Variants in COL4A1 observed in about 807,000 individuals in gnomAD.
The protein encoded by COL4A1 is collagen alpha-1(IV) chain.
A neutral mutation model predicts 216.6 loss-of-function variants in COL4A1; 40 were observed. The observed-to-expected ratio is 0.18, with a 90% confidence interval of 0.14 to 0.24. The LOEUF is 0.24. Ranked by LOEUF, COL4A1 falls within the 10% of genes least tolerant of loss-of-function variation. The pLI, the probability that COL4A1 is intolerant of heterozygous loss-of-function variation, is 1.00. For missense variants in COL4A1, 1,628 were observed against 2,196.8 expected (o/e 0.74, Z 5.18); for synonymous variants, 839 against 810.7 (o/e 1.03, Z -0.59).
intron 1 of COL4A1, among the ~76,000 whole-genome samples, chr13:110,245,508 C>T (rs374456926): frequency 3.3e-5 from 5 of 152,134 alleles, no homozygotes; most frequent in African/African-American, 7.2e-5. Context: ...TGTGGATTTT[C>T]GACTTGTGAG....
rs1566386263 is a variant in COL4A1 at position 110,219,930 on chromosome 13, G to GTGTGTGTATATATGTATA, written c.145-5916_145-5915insTATACATATATACACACA. On this transcript the variant is annotated intron_variant, in intron 2 of 51. Transcript: ENST00000375820. ...TATATATGTGTGTATATATATGTAT[G>GTGTGTGTATATATGTATA]TATATGTGTGTGTATATATACACAT... Among the ~76,000 whole-genome samples, 5 of 113,522 alleles carry GTGTGTGTATATATGTATA rather than the reference G, an allele frequency of 4.4e-5. No homozygotes were observed. In the South Asian group the frequency reaches 1.1e-3, roughly 25 times the overall value. 74.5% of individuals were successfully genotyped at this position (113,522 alleles called of 152,430 possible). A position where few individuals can be genotyped will look rare whatever the true frequency, so the allele number is the denominator to read the frequency against.
At chr13:110,306,805 C>G (rs867127372) in intron 1 of COL4A1, 139 bp downstream of exon 1, 9 of 721,534 alleles carry the variant, frequency 1.2e-5, no homozygotes, top group Middle Eastern at 4.2e-4. Context: ...CAACGAACCC[C>G]GGCCCAGAGA....
chr13:110,210,760 T>C (rs1022999632), intron 8 of COL4A1, among the ~76,000 whole-genome samples: 6 of 152,108 alleles, frequency 3.9e-5, no homozygotes, highest in Non-Finnish European at 7.4e-5. Flanking sequence ...TGGCCCTCCA[T>C]AATGCTGGTG....
intron 34 of COL4A1, 57 bp from the exon 35 acceptor site, chr13:110,176,781 G>T: frequency 6.2e-7 from 1 of 1,613,530 alleles, no homozygotes. Flanking sequence ...GCAAGTTGCT[G>T]CAGAAACGCA....
At chr13:110,206,774 G>C (rs370289201) in intron 14 of COL4A1, 59 bp from the exon 15 acceptor site, 122 of 1,606,872 alleles carry the variant, frequency 7.6e-5, no homozygotes, top group Non-Finnish European at 9.5e-5. Flanking sequence ...ATTTAAATTA[G>C]ATAGATATTA....
chr13:110,242,982 A>G (rs1881631947), intron 1 of COL4A1, among the ~76,000 whole-genome samples: 1 of 152,242 alleles, frequency 6.6e-6, no homozygotes, highest in African/African-American at 2.4e-5. Context: ...CTCAGCCCAA[A>G]AAGTGAACAA....
At chr13:110,181,436 AT>A in intron 28 of COL4A1, 47 bp from the exon 29 acceptor site, 1 of 1,505,660 alleles carries the variant, frequency 6.6e-7, no homozygotes, top group Non-Finnish European at 9.1e-7. Context: ...AATCATTGCG[AT>A]TACAATGCCG....
intron 4 of COL4A1, among the ~76,000 whole-genome samples, chr13:110,213,443 C>G (rs1038726339): frequency 3.9e-5 from 6 of 152,172 alleles, no homozygotes; most frequent in Admixed American, 2.0e-4. Context: ...GAAGTCATCT[C>G]TGTCTAATGA....
intron 1 of COL4A1, among the ~76,000 whole-genome samples, chr13:110,292,261 C>T (rs1006510815): frequency 3.9e-5 from 6 of 152,216 alleles, no homozygotes; most frequent in Non-Finnish European, 8.8e-5. Flanking sequence ...CTGTGGCATA[C>T]ATCTCTGAGA....
intron 1 of COL4A1, among the ~76,000 whole-genome samples, chr13:110,266,506 T>TA (rs1883042764): frequency 6.6e-6 from 1 of 152,182 alleles, no homozygotes; most frequent in African/African-American, 2.4e-5. Context: ...AAAACTCATC[T>TA]AGCAAAAGAA....
chr13:110,171,235 T>C (rs1204032707), intron 41 of COL4A1, among the ~76,000 whole-genome samples: 1 of 152,232 alleles, frequency 6.6e-6, no homozygotes, highest in Admixed American at 6.5e-5. Flanking sequence ...TGTATGGTTT[T>C]ATTTTTGTAA....
rs683309 is a variant in COL4A1 at position 110,198,423 on chromosome 13, T to C, written c.1285+44A>G. The C allele has an allele frequency of 0.87, 1,402,679 of 1,610,784 alleles. 611,269 individuals are homozygous for C. Among genetic ancestry groups the C allele is most frequent in the East Asian group, 0.98 (44,108 of 44,844 alleles). On this transcript the variant is annotated intron_variant, in intron 21 of 51. Coordinates refer to ENST00000375820, the MANE Select transcript of COL4A1 (RefSeq NM_001845.6). The stretch of plus-strand genomic sequence containing the variant: ...AACCTGGGTCTGCCCGGCACCCTGG[T>C]GTCTGCTTGCACCCCACATTAAACC...
chr13:110,259,983 A>G (rs1230024310), intron 1 of COL4A1, among the ~76,000 whole-genome samples: 1 of 152,188 alleles, frequency 6.6e-6, no homozygotes, highest in Non-Finnish European at 1.5e-5. Context: ...AGGCTGCTGT[A>G]CATGGATCAT....
At chr13:110,270,620 G>A (rs188598901) in intron 1 of COL4A1, among the ~76,000 whole-genome samples, 2 of 151,982 alleles carry the variant, frequency 1.3e-5, no homozygotes, top group Admixed American at 6.5e-5. Context: ...AGATGGGAAC[G>A]AGGTCTCTGA....
intron 2 of COL4A1, among the ~76,000 whole-genome samples, chr13:110,221,533 A>C (rs760640433): frequency 2.7e-4 from 41 of 152,294 alleles, no homozygotes; most frequent in Non-Finnish European, 5.3e-4. Context: ...CTGATAAATT[A>C]CTGGCAGCCA....
intron 1 of COL4A1, among the ~76,000 whole-genome samples, chr13:110,275,954 TAAA>T (rs1883411702): frequency 2.6e-5 from 4 of 152,228 alleles, no homozygotes; most frequent in Admixed American, 2.0e-4. Context: ...TTGTGGGCAG[TAAA>T]ACAACTCTAT....
chr13:110,212,692 T>A (rs1879872865), intron 4 of COL4A1, 74 bp from the exon 5 acceptor site: 2 of 1,545,316 alleles, frequency 1.3e-6, no homozygotes, highest in Non-Finnish European at 1.8e-6. Flanking sequence ...ATCTCCCCGG[T>A]TAATGGAGTC....
In COL4A1 at chr13:110,181,523, C is replaced by G. The variant is rs751163667; in HGVS notation, c.2096-134G>C. ...GAGAAGGTCAACTGTGGAGGCCTTC[C>G]GAGGTGGCTGGAAGAGGCCAGGGGA... On this transcript the variant is annotated intron_variant, in intron 28 of 51. Coordinates refer to ENST00000375820, the MANE Select transcript of COL4A1 (RefSeq NM_001845.6). 1.6e-5 allele frequency: 15 copies of G among 948,878 alleles called. No homozygotes were observed. The East Asian group carries it at 3.7e-4, about 23-fold the overall frequency. 58.8% of individuals were successfully genotyped at this position (948,878 alleles called of 1,614,324 possible).
intron 2 of COL4A1, among the ~76,000 whole-genome samples, chr13:110,218,374 C>T (rs988363002): frequency 5.9e-5 from 9 of 152,116 alleles, no homozygotes; most frequent in African/African-American, 1.7e-4. Context: ...GGAATGAGTA[C>T]GGGTACCGGG....
Sources: allele counts gnomAD v4.1 joint callset (sites outside exome capture counted in the v4.1 genomes callset), GRCh38; gene constraint gnomAD v4.1.1; transcripts MANE v1.5; gene names NCBI Gene and HGNC (gene_info 2026-07-23, HGNC 2026-07-21).